Variants in ADCY2 observed in about 807,000 individuals in gnomAD.
The protein encoded by ADCY2 is adenylate cyclase 2.
In ADCY2, 31 loss-of-function variants were observed where a neutral mutation model predicts 125.2. The ratio of observed to expected loss-of-function variants is 0.25; its 90% CI spans 0.19 to 0.33. The LOEUF is 0.33. Ranked by LOEUF, ADCY2 falls within the 10% of genes least tolerant of loss-of-function variation. The pLI is 1.00. For missense variants in ADCY2, 904 were observed against 1,418.2 expected (o/e 0.64, Z 5.82); for synonymous variants, 512 against 548.4 (o/e 0.93, Z 0.93).
intron 1 of ADCY2, among the ~76,000 whole-genome samples, chr5:7,408,704 C>A (rs1240347306): frequency 1.3e-5 from 2 of 151,864 alleles, no homozygotes; most frequent in East Asian, 3.9e-4. Context: ...AGCAAAAAAA[C>A]AAAAAACCAA....
At chr5:7,471,372 A>C (rs1202783547) in intron 2 of ADCY2, among the ~76,000 whole-genome samples, 1 of 150,486 alleles carries the variant, frequency 6.6e-6, no homozygotes, top group Non-Finnish European at 1.5e-5. Context: ...TAATGATTTA[A>C]AAAAATCTCC....
chr5:7,685,040 C>G (rs1377374642), intron 4 of ADCY2: 2 of 152,256 alleles, frequency 1.3e-5, no homozygotes, highest in African/African-American at 4.8e-5. Context: ...TAATCTCAGC[C>G]CTTCTTCATC....
chr5:7,695,260 A>ATCT (rs1740851071), intron 5 of ADCY2, among the ~76,000 whole-genome samples: 1 of 152,118 alleles, frequency 6.6e-6, no homozygotes, highest in Admixed American at 6.5e-5. Context: ...TCACTGTCCA[A>ATCT]TCTGCCCCTA....
intron 2 of ADCY2, among the ~76,000 whole-genome samples, chr5:7,456,293 T>A (rs1240955657): frequency 1.3e-5 from 2 of 152,172 alleles, no homozygotes; most frequent in African/African-American, 2.4e-5. Flanking sequence ...CATTGAAGAA[T>A]TGTATGTCTT....
Position 7,777,192 on chromosome 5 carries a change from C to T in ADCY2, c.2384+4091C>T, listed in dbSNP as rs182872154. Among the ~76,000 whole-genome samples, 6 of 152,220 alleles carry T rather than the reference C, an allele frequency of 3.9e-5. No homozygotes were observed. In the East Asian group the frequency reaches 7.7e-4, roughly 20 times the overall value. On this transcript the variant is annotated intron_variant, in intron 18 of 24. Transcript: ENST00000338316. ...GCAGCTCCTCTGTCCTGTTTCACCC[C>T]GGAAAGGTGGAAGGTACCCATCCTG...
At chr5:7,695,960 C>T in intron 6 of ADCY2, 97 bp downstream of exon 6, 1 of 712,868 alleles carries the variant, frequency 1.4e-6, no homozygotes, top group Admixed American at 3.4e-5. Flanking sequence ...TTCATAAAAG[C>T]ATCCTTTAGG....
In ADCY2 at chr5:7,644,924, T is replaced by C. The variant is rs1169283805; in HGVS notation, c.720+18608T>C. ...GTTAGTCTCAGAACAAGGGCGAGTC[T>C]GTTAACACCCTAGTTAATAATGCAG... is the stretch of plus-strand genomic sequence containing the variant. On this transcript the variant is annotated intron_variant, in intron 4 of 24. Transcript: ENST00000338316. Among the ~76,000 whole-genome samples the C allele has an allele frequency of 2.0e-5, 3 of 152,204 alleles. 1 individual carries two copies. The highest frequency in any genetic ancestry group is 4.4e-5 in the Non-Finnish European group (3 of 68,024).
chr5:7,512,206 G>A (rs551885264), intron 2 of ADCY2, among the ~76,000 whole-genome samples: 76 of 48,252 alleles, frequency 1.6e-3, no homozygotes, highest in Non-Finnish European at 3.0e-4. Flanking sequence ...GGGCAGTAGA[G>A]CATGACTCCA....
chr5:7,777,219 A>T (rs986322348), intron 18 of ADCY2, among the ~76,000 whole-genome samples: 1 of 152,132 alleles, frequency 6.6e-6, no homozygotes, highest in African/African-American at 2.4e-5. Context: ...CCCATCCTGG[A>T]TGAAGGGGAC....
rs538245983 is a variant in ADCY2, at chr5:7,465,594, C to A, written c.408+50824C>A. 2.0e-5 allele frequency among the ~76,000 whole-genome samples: 3 copies of A among 152,232 alleles called. No individual in the cohort carries two copies. The South Asian group carries it at 6.2e-4, about 32-fold the overall frequency. On this transcript the variant is annotated intron_variant, in intron 2 of 24. Coordinates refer to ENST00000338316, the MANE Select transcript of ADCY2 (RefSeq NM_020546.3). The stretch of plus-strand genomic sequence containing the variant: ...ATGAAGTCCCTGAGAATGCAGACAC[C>A]TATGGTTTTTCAGAAAGAAGCTACA...
intron 2 of ADCY2, among the ~76,000 whole-genome samples, chr5:7,512,236 A>AAAAAAAAAAAAAAAAAAAAAAAAAAC (rs1744093956): frequency 6.9e-6 from 1 of 145,792 alleles, no homozygotes; most frequent in Non-Finnish European, 1.5e-5. Flanking sequence ...AAAAAAAAAA[A>AAAAAAAAAAAAAAAAAAAAAAAAAAC]AAAAGAAAAC....
At chr5:7,596,202 C>G (rs1736995158) in intron 3 of ADCY2, among the ~76,000 whole-genome samples, 1 of 151,958 alleles carries the variant, frequency 6.6e-6, no homozygotes, top group Admixed American at 6.6e-5. Flanking sequence ...AAATGGATAA[C>G]TAGACACACA....
chr5:7,440,265 G>C (rs1160605827), intron 2 of ADCY2, among the ~76,000 whole-genome samples: 1 of 152,158 alleles, frequency 6.6e-6, no homozygotes, highest in Non-Finnish European at 1.5e-5. Flanking sequence ...CCCTCACTTA[G>C]AGATCGCATT....
At position 7,396,561 on chromosome 5, in the gene ADCY2, CCCGG is replaced by C; in HGVS notation, c.210+58_210+61del. Reference sequence around the variant, plus strand: ...GCGCCTTCCCCGGCCCTGAGAGGAGCCCGGCCAGCCGAGCCGCGTCCCGCTCCGG... The same window carrying C: ...GCGCCTTCCCCGGCCCTGAGAGGAGCCCAGCCGAGCCGCGTCCCGCTCCGG... On this transcript the variant is annotated intron_variant, in intron 1 of 24. Coordinates refer to ENST00000338316, the MANE Select transcript of ADCY2 (RefSeq NM_020546.3). This position sits in a 1 kb window ranked among gnomAD's most constrained non-coding sequence, Gnocchi z 5.7. 6.9e-7 allele frequency: 1 copy of C among 1,456,302 alleles called. No homozygotes were observed. Among genetic ancestry groups the C allele is most frequent in the Non-Finnish European group, 9.1e-7 (1 of 1,100,156 alleles). The allele number at this position is 1,456,302 out of a possible 1,614,324, so 90.2% of individuals were successfully genotyped here. A position where few individuals can be genotyped will look rare whatever the true frequency, so the allele number is the denominator to read the frequency against.
intron 2 of ADCY2, among the ~76,000 whole-genome samples, chr5:7,466,057 G>T (rs1742103138): frequency 6.6e-6 from 1 of 152,068 alleles, no homozygotes; most frequent in East Asian, 1.9e-4. Context: ...CCTCCTTTTA[G>T]CACTAAGAAT....
intron 24 of ADCY2, among the ~76,000 whole-genome samples, chr5:7,824,772 T>G (rs1399353726): frequency 6.6e-6 from 1 of 152,214 alleles, no homozygotes; most frequent in African/African-American, 2.4e-5. Context: ...TAGCCCGCCC[T>G]TGAGATCTGC....
intron 3 of ADCY2, among the ~76,000 whole-genome samples, chr5:7,562,874 C>A (rs1367025087): frequency 6.6e-6 from 1 of 152,180 alleles, no homozygotes; most frequent in Non-Finnish European, 1.5e-5. Context: ...TTGCTAGAAC[C>A]ACCTTTGTAG....
intron 18 of ADCY2, among the ~76,000 whole-genome samples, chr5:7,776,372 G>A (rs190930489): frequency 7.2e-5 from 11 of 152,098 alleles, no homozygotes; most frequent in South Asian, 2.1e-4. Flanking sequence ...TGTCCCATCC[G>A]TTTGGTGACC....
chr5:7,602,202 T>G (rs1321208950), intron 3 of ADCY2, among the ~76,000 whole-genome samples: 1 of 152,220 alleles, frequency 6.6e-6, no homozygotes, highest in Non-Finnish European at 1.5e-5. Flanking sequence ...AAGGTCACAT[T>G]CACAGGTTCC....
Sources: allele counts gnomAD v4.1 joint callset (sites outside exome capture counted in the v4.1 genomes callset), GRCh38; gene constraint gnomAD v4.1.1; non-coding constraint Gnocchi (gnomAD v3.1); transcripts MANE v1.5; gene names NCBI Gene and HGNC (gene_info 2026-07-23, HGNC 2026-07-21).